CHLSN: variants seen among roughly 807,000 people sequenced by gnomAD.
The protein encoded by CHLSN is protein cholesin.
chr7:1,084,135 G>A, the CHLSN span, among the ~76,000 whole-genome samples: 1 of 152,230 alleles, frequency 6.6e-6, no homozygotes, highest in East Asian at 1.9e-4. Context: ...TGCCACTGGT[G>A]CGGCAAAACC....
chr7:1,026,775 G>C, the CHLSN span: 1 of 152,250 alleles, frequency 6.6e-6, no homozygotes, highest in African/African-American at 2.4e-5. Flanking sequence ...CTCCCGTAGT[G>C]CTCGAGAGGG....
chr7:1,106,148 C>T, the CHLSN span, among the ~76,000 whole-genome samples: 6 of 152,342 alleles, frequency 3.9e-5, no homozygotes, highest in African/African-American at 1.2e-4. Flanking sequence ...CCGCTGCTCA[C>T]CGCTCCCATC....
At chr7:992,390 C>A in the CHLSN span, among the ~76,000 whole-genome samples, 28 of 151,878 alleles carry the variant, frequency 1.8e-4, no homozygotes, top group African/African-American at 5.1e-4. Flanking sequence ...GAGGGTGAGG[C>A]CCCCCCACAG....
chr7:1,136,457 TATATAAAC>T, the CHLSN span, among the ~76,000 whole-genome samples: 3 of 116,266 alleles, frequency 2.6e-5, no homozygotes, highest in East Asian at 2.5e-4. Context: ...TATATAAACA[TATATAAAC>T]ATATATAAAT....
the CHLSN span, among the ~76,000 whole-genome samples, chr7:1,119,799 C>T: frequency 1.3e-5 from 2 of 151,728 alleles, no homozygotes; most frequent in Non-Finnish European, 2.9e-5. Context: ...ATCGCTTGAA[C>T]CCGGGAGGCA....
chr7:1,044,373 G>A, the CHLSN span, among the ~76,000 whole-genome samples: 1 of 152,252 alleles, frequency 6.6e-6, no homozygotes, highest in African/African-American at 2.4e-5. Flanking sequence ...GCTGGTCTCA[G>A]GTTACACAAC....
At chr7:1,049,641 A>G in the CHLSN span, among the ~76,000 whole-genome samples, 1 of 152,188 alleles carries the variant, frequency 6.6e-6, no homozygotes, top group African/African-American at 2.4e-5. Flanking sequence ...GCCCCTGCAG[A>G]CAGCAGGGCA....
At chr7:1,061,643 C>A in the CHLSN span, among the ~76,000 whole-genome samples, 1 of 152,152 alleles carries the variant, frequency 6.6e-6, no homozygotes, top group Non-Finnish European at 1.5e-5. Flanking sequence ...CTGAGAGATT[C>A]CCAAAGCCTT....
chr7:1,090,762 C>A, the CHLSN span, among the ~76,000 whole-genome samples: 1 of 152,210 alleles, frequency 6.6e-6, no homozygotes, highest in Non-Finnish European at 1.5e-5. Flanking sequence ...AACAGCATTG[C>A]AAAAACATAT....
At chr7:1,104,065 C>A in the CHLSN span, among the ~76,000 whole-genome samples, 5 of 152,240 alleles carry the variant, frequency 3.3e-5, no homozygotes, top group Non-Finnish European at 5.9e-5. Context: ...TGCCATGGCA[C>A]CCACAGGTTT....
chr7:1,127,310 C>G, the CHLSN span: 1 of 1,611,940 alleles, frequency 6.2e-7, no homozygotes, highest in Non-Finnish European at 8.5e-7. Flanking sequence ...AGCAGTGGCC[C>G]CTCTGCTGAC....
the CHLSN span, among the ~76,000 whole-genome samples, chr7:1,122,020 ACCCTGC>A: frequency 5.5e-3 from 842 of 152,256 alleles, 7 homozygotes; most frequent in Non-Finnish European, 9.8e-3. Context: ...TGACACATGG[ACCCTGC>A]CCTCGACTGA....
the CHLSN span, among the ~76,000 whole-genome samples, chr7:1,088,478 CA>C: frequency 0.16 from 23,891 of 152,134 alleles, 4,615 homozygotes; most frequent in African/African-American, 0.46. The surrounding 1 kb of genome is among the most constrained non-coding windows in gnomAD (Gnocchi z 4.5). Flanking sequence ...AAACTCAAGG[CA>C]CAGACCCCTC....
the CHLSN span, chr7:1,044,773 G>C: frequency 9.2e-5 from 14 of 152,232 alleles, no homozygotes; most frequent in African/African-American, 3.1e-4. Flanking sequence ...GCGCTTACTG[G>C]GACCCGGGTC....
the CHLSN span, chr7:1,092,823 G>GCAGT: frequency 4.6e-5 from 75 of 1,613,154 alleles, no homozygotes; most frequent in Non-Finnish European, 6.4e-5. Context: ...ACAGCACCGA[G>GCAGT]CAGTCGGATG....
At chr7:1,021,194 G>C in the CHLSN span, among the ~76,000 whole-genome samples, 1 of 151,896 alleles carries the variant, frequency 6.6e-6, no homozygotes, top group Non-Finnish European at 1.5e-5. Flanking sequence ...CTCCAGGTTG[G>C]GGACCTCCAG....
chr7:1,011,733 C>T, the CHLSN span, among the ~76,000 whole-genome samples: 1 of 151,980 alleles, frequency 6.6e-6, no homozygotes, highest in African/African-American at 2.4e-5. Flanking sequence ...CCCACAGACA[C>T]CCACAAACAC....
the CHLSN span, among the ~76,000 whole-genome samples, chr7:1,115,690 C>A: frequency 2.4e-5 from 3 of 124,028 alleles, no homozygotes; most frequent in African/African-American, 8.9e-5. Context: ...CCAACGCCCA[C>A]GCAGGATGAC....
chr7:996,810 C>T, the CHLSN span, among the ~76,000 whole-genome samples: 1 of 152,234 alleles, frequency 6.6e-6, no homozygotes, highest in African/African-American at 2.4e-5. Context: ...TCACTGCCAG[C>T]GCTGGGAAAC....
Sources: gnomAD v4.1 joint callset for allele counts (sites outside exome capture counted in the v4.1 genomes callset) on GRCh38, gnomAD v4.1.1 for gene constraint, Gnocchi (gnomAD v3.1) non-coding constraint, MANE v1.5 for transcripts, NCBI Gene and HGNC (gene_info 2026-07-23, HGNC 2026-07-21) for gene names.